Variants in DIDO1 observed in about 807,000 individuals in gnomAD.
DIDO1 encodes death inducer-obliterator 1, also known as death-inducer obliterator 1.
In DIDO1, 16 loss-of-function variants were observed where a neutral mutation model predicts 99.4. The ratio of observed to expected loss-of-function variants is 0.16; its 90% confidence interval spans 0.11 to 0.24. The LOEUF (loss-of-function observed/expected upper bound fraction) is 0.24. Among genes scored for constraint, DIDO1 ranks in the 10% least tolerant of loss-of-function variants. DIDO1 has a pLI of 1.00. For missense variants in DIDO1, 2,996 were observed against 3,014.0 expected (o/e 0.99, Z 0.14); for synonymous variants, 1,366 against 1,239.1 (o/e 1.10, Z -2.15).
Position 62,911,760 on chromosome 20 carries a change from G to C in DIDO1, c.-2-146C>G, listed in dbSNP as rs1316480469. 2 of 607,226 alleles carry C rather than the reference G, an allele frequency of 3.3e-6. No individual in the cohort carries two copies. The highest frequency in any genetic ancestry group is 7.2e-5 in the Admixed American group (2 of 27,624). 37.6% of individuals were successfully genotyped at this position (607,226 alleles called of 1,614,324 possible). Reference sequence around the variant, plus strand: ...GTCCTTCTGACCAGTGTTTCCTAATGTGTGCTATGTGAGATGATTCAAGAT... The same window carrying C: ...GTCCTTCTGACCAGTGTTTCCTAATCTGTGCTATGTGAGATGATTCAAGAT... On this transcript the variant is annotated intron_variant, in intron 2 of 15. Coordinates refer to ENST00000395343, the MANE Select transcript of DIDO1 (RefSeq NM_001193369.2). This position sits in a 1 kb window ranked among gnomAD's most constrained non-coding sequence, Gnocchi z 7.0.
At position 62,880,143 on chromosome 20, in the gene DIDO1, C is replaced by T. The variant is rs770224187; in HGVS notation, c.5813G>A (p.Arg1938Gln). 2.5e-6 allele frequency: 4 copies of T among 1,612,366 alleles called. No homozygotes were observed. The highest frequency in any genetic ancestry group is 1.7e-5 in the Admixed American group (1 of 59,982). The part of the protein sequence containing the change: ...GPHPSQFETA[R>Q]GPHPNQFEGP... The stretch of plus-strand genomic sequence containing the variant: ...TTCAAACTGGTTGGGATGAGGGCCC[C>T]GGGCAGTTTCAAACTGACTAGGATG... Residue 1938 changes from arginine to glutamine, a missense_variant, in exon 16 of 16, where the codon CGG becomes CAG. Physicochemically the swap from Arg to Gln is conservative, Grantham distance 43 (BLOSUM62 1). Around this residue, in one of 5 missense-constraint regions of DIDO1, gnomAD observed 1,562 missense variants for 1,412.6 expected, o/e 1.11. Transcript: ENST00000395343.
chr20:62,905,703 A>C, intron 6 of DIDO1, 184 bp downstream of exon 6: 1 of 1,609,844 alleles, frequency 6.2e-7, no homozygotes, highest in Non-Finnish European at 8.5e-7. Flanking sequence ...CTGACAGACT[A>C]GGGATGGACA....
chr20:62,923,084 C>G (rs1198413060), intron 1 of DIDO1, among the ~76,000 whole-genome samples: 1 of 152,220 alleles, frequency 6.6e-6, no homozygotes, highest in Non-Finnish European at 1.5e-5. Context: ...TCACTACAGC[C>G]TGGAACTCCT....
At chr20:62,934,504 G>A (rs2065362745) in intron 1 of DIDO1, among the ~76,000 whole-genome samples, 1 of 152,132 alleles carries the variant, frequency 6.6e-6, no homozygotes, top group African/African-American at 2.4e-5. Flanking sequence ...TAAATTCATA[G>A]GCCAGAAGCT....
In DIDO1 at chr20:62,905,371, A is replaced by C. The variant is rs2064778185; in HGVS notation, c.1588+516T>G. ...AAAAATCCCCTATCTGCCCAGTCAA[A>C]AATAAATGTACACCTGAAAATCAGA... On this transcript the variant is annotated intron_variant, in intron 6 of 15. Coordinates refer to ENST00000395343, the MANE Select transcript of DIDO1 (RefSeq NM_001193369.2). The C allele has an allele frequency of 1.0e-5, 15 of 1,449,164 alleles. 1 individual carries two copies. The allele number at this position is 1,449,164 out of a possible 1,614,324, so 89.8% of individuals were successfully genotyped here.
Position 62,909,972 on chromosome 20 carries a change from A to G in DIDO1, c.888T>C (p.Cys296=). 2.5e-6 allele frequency: 4 copies of G among 1,612,854 alleles called. No individual in the cohort carries two copies. The highest frequency in any genetic ancestry group is 3.4e-6 in the Non-Finnish European group (4 of 1,180,026). The change falls in exon 4 of 16, where the codon TGT becomes TGC. Residue 296 remains cysteine (C), a synonymous_variant. Transcript: ENST00000395343. ...DRCEEWFHGD[C]VGISEARGRL... ...TCCCTCGAGCCTCAGAAATGCCCAC[A>G]CAATCGCCATGAAACCATTCTTCAC... is the stretch of plus-strand genomic sequence containing the variant.
At chr20:62,898,590 T>C (rs898425685) in intron 6 of DIDO1, among the ~76,000 whole-genome samples, 1 of 152,214 alleles carries the variant, frequency 6.6e-6, no homozygotes, top group Non-Finnish European at 1.5e-5. Flanking sequence ...ATTTTCATCT[T>C]AGGACCCTTC....
chr20:62,879,865 T>A lies in DIDO1; in HGVS notation c.6091A>T (p.Ser2031Cys). 1.9e-6 allele frequency: 3 copies of A among 1,594,514 alleles called. No homozygotes were observed. Among genetic ancestry groups the A allele is most frequent in the Non-Finnish European group, 2.6e-6 (3 of 1,171,596 alleles). ...TCCTTCCGGTGCTGCGGGGGGTGGC[T>A]GGGAAGCTCCAGCAGGGGCCTGGGG... ...PGPRPLLELP[S>C]HPPQHRKDRW... The change falls in exon 16 of 16, where the codon AGC becomes TGC. Residue 2031 changes from serine to cysteine, a missense_variant. Transcript: ENST00000395343. The surrounding 1 kb of genome is among the most constrained non-coding windows in gnomAD (Gnocchi z 6.3).
chr20:62,925,903 T>C (rs887155755), intron 1 of DIDO1, among the ~76,000 whole-genome samples: 2 of 152,232 alleles, frequency 1.3e-5, no homozygotes, highest in Non-Finnish European at 2.9e-5. Context: ...TCGCGCTTCC[T>C]GCAGCGCCAG....
chr20:62,881,932 G>C lies in DIDO1; in HGVS notation c.4024C>G (p.Leu1342Val), dbSNP rs1346528375. The change falls in exon 16 of 16, where the codon CTC becomes GTC. Residue 1342 changes from leucine (L) to valine (V), a missense_variant. Leu to Val is a conservative substitution (Grantham distance 32). This residue lies in a region of DIDO1 where 1,562 missense variants were observed against 1,412.6 expected (regional missense o/e 1.11). Coordinates refer to ENST00000395343, the MANE Select transcript of DIDO1 (RefSeq NM_001193369.2). The surrounding 1 kb of genome is among the most constrained non-coding windows in gnomAD (Gnocchi z 8.3). ...GCTGTGGTTTTGGGCTCCTGGGGGA[G>C]ACCTGCGGTGGACCCGGGAGGCTCT... The part of the protein sequence containing the change: ...AREPPGSTAG[L>V]PQEPKTTAED... The C allele has an allele frequency of 1.2e-6, 2 of 1,613,306 alleles. No individual in the cohort carries two copies. The highest frequency in any genetic ancestry group is 1.7e-6 in the Non-Finnish European group (2 of 1,180,048).
intron 6 of DIDO1, among the ~76,000 whole-genome samples, chr20:62,900,556 AT>A (rs2064647270): frequency 6.6e-6 from 1 of 152,210 alleles, no homozygotes; most frequent in South Asian, 2.1e-4. Context: ...CAGGACAGGG[AT>A]TAAAATATGG....
Position 62,893,837 on chromosome 20 carries a change from G to A in DIDO1, c.2930C>T (p.Thr977Ile). ...GCGGGATGCTGCGGAGGCCACGGCT[G>A]TGCATGAACTGCTTGGAGCGGTCCT... ...DPRTAPSSSC[T>I]AVASAASRPD... Residue 977 changes from threonine (T) to isoleucine (I), a missense_variant, in exon 12 of 16, where the codon ACA (threonine) becomes ATA (isoleucine). This residue lies in a region of DIDO1 where 898 missense variants were observed against 972.7 expected (regional missense o/e 0.92). Coordinates refer to ENST00000395343, the MANE Select transcript of DIDO1 (RefSeq NM_001193369.2). 2.5e-6 allele frequency: 4 copies of A among 1,614,086 alleles called. No homozygotes were observed. Among genetic ancestry groups the A allele is most frequent in the South Asian group, 1.1e-5 (1 of 91,082 alleles).
Position 62,907,307 on chromosome 20 carries a change from A to G in DIDO1, c.1214T>C (p.Val405Ala), listed in dbSNP as rs549206289. Residue 405 changes from valine (V) to alanine (A), a missense_variant, in exon 5 of 16, where the codon GTG becomes GCG. Physicochemically the swap from Val to Ala is moderately conservative, Grantham distance 64 (BLOSUM62 0). This residue lies in a region of DIDO1 where 898 missense variants were observed against 972.7 expected (regional missense o/e 0.92). Transcript: ENST00000395343. The part of the protein sequence containing the change: ...SKCIGPGCCH[V>A]AQPDSVYCSN... ...GCAGTACACCGAGTCGGGCTGCGCC[A>G]CGTGACAGCACCCGGGGCCAATACA... 8.1e-6 allele frequency: 13 copies of G among 1,614,126 alleles called. No individual in the cohort carries two copies. The African/African-American group carries it at 1.1e-4, about 13-fold the overall frequency.
upstream of DIDO1, chr20:62,928,615 AAAG>A (rs1284278510): frequency 6.6e-6 from 1 of 152,276 alleles, no homozygotes; most frequent in African/African-American, 2.4e-5. Context: ...TCCACTAGCA[AAAG>A]AATACTTTTT....
intron 1 of DIDO1, among the ~76,000 whole-genome samples, chr20:62,915,661 G>C (rs1409478846): frequency 6.6e-6 from 1 of 151,690 alleles, no homozygotes; most frequent in Non-Finnish European, 1.5e-5. Flanking sequence ...GCTAATTTTT[G>C]AAAAAAATTC....
At chr20:62,919,804 C>T (rs557002036) in intron 1 of DIDO1, among the ~76,000 whole-genome samples, 2 of 152,364 alleles carry the variant, frequency 1.3e-5, no homozygotes, top group African/African-American at 2.4e-5. Flanking sequence ...CCTCTATCTA[C>T]TTCCTAGTGC....
In DIDO1 at chr20:62,909,842, A is replaced by C; in HGVS notation, c.1018T>G (p.Trp340Gly). ...GTGCCATCAGCATCTCCAGGTCTCC[A>C]TTTAGCTTCCTGCTGATCTGCCGTT... The part of the protein sequence containing the change: ...SETADQQEAK[W>G]RPGDADGTDC... Residue 340 changes from tryptophan (W) to glycine (G), a missense_variant, in exon 4 of 16, where the codon TGG becomes GGG. Around this residue, in one of 5 missense-constraint regions of DIDO1, gnomAD observed 898 missense variants for 972.7 expected, o/e 0.92. Transcript: ENST00000395343. The C allele has an allele frequency of 6.2e-7, 1 of 1,614,190 alleles. No homozygotes were observed. The highest frequency in any genetic ancestry group is 1.1e-5 in the South Asian group (1 of 91,090).
chr20:62,896,094 C>A lies in DIDO1; in HGVS notation c.2214+139G>T. 3 of 942,206 alleles carry A rather than the reference C, an allele frequency of 3.2e-6. No homozygotes were observed. The highest frequency in any genetic ancestry group is 3.3e-5 in the African/African-American group (2 of 60,122). 58.4% of individuals were successfully genotyped at this position (942,206 alleles called of 1,614,324 possible). Reference sequence around the variant, plus strand: ...CAACGCCAGTGCAACAATACGTGGGCGGCAGAAGGATCACAGAGGAGAAAG... The same window carrying A: ...CAACGCCAGTGCAACAATACGTGGGAGGCAGAAGGATCACAGAGGAGAAAG... On this transcript the variant is annotated intron_variant, in intron 8 of 15. Transcript: ENST00000395343. This position sits in a 1 kb window ranked among gnomAD's most constrained non-coding sequence, Gnocchi z 4.4.
rs764205039 is a variant in DIDO1 at position 62,879,463 on chromosome 20, G to C, written c.6493C>G (p.Arg2165Gly). The C allele has an allele frequency of 1.9e-6, 3 of 1,564,394 alleles. No homozygotes were observed. Among genetic ancestry groups the C allele is most frequent in the Non-Finnish European group, 2.6e-6 (3 of 1,161,938 alleles). The part of the protein sequence containing the change: ...ANRDREREAD[R>G]GKEWDRSRER... ...CGGCTGCGGTCCCACTCCTTGCCCC[G>C]GTCGGCCTCGCGCTCTCGGTCGCGG... The change falls in exon 16 of 16, where the codon CGG becomes GGG. Residue 2165 changes from arginine to glycine, a missense_variant. Transcript: ENST00000395343. This position sits in a 1 kb window ranked among gnomAD's most constrained non-coding sequence, Gnocchi z 6.3.
Sources: allele counts gnomAD v4.1 joint callset (sites outside exome capture counted in the v4.1 genomes callset), GRCh38; gene constraint gnomAD v4.1.1; regional missense constraint gnomAD v4.1.1; non-coding constraint Gnocchi (gnomAD v3.1); transcripts MANE v1.5; gene names NCBI Gene and HGNC (gene_info 2026-07-23, HGNC 2026-07-21).